Variants in SPTLC3 observed in about 807,000 individuals in gnomAD.
The protein encoded by SPTLC3 is serine palmitoyltransferase 3.
A neutral mutation model predicts 59.3 loss-of-function variants in SPTLC3; 36 were observed. The ratio of observed to expected loss-of-function variants is 0.61; its 90% CI spans 0.47 to 0.80. The LOEUF (loss-of-function observed/expected upper bound fraction) is 0.80. Ranked by LOEUF, SPTLC3 falls within the 30% of genes least tolerant of loss-of-function variation. The pLI is 0.00. For synonymous variants in SPTLC3, 257 were observed against 240.8 expected, an observed-to-expected ratio of 1.07 and a Z score of -0.62; for missense variants, 625 against 685.1, an observed-to-expected ratio of 0.91 and a Z score of 0.98.
chr20:13,126,560 C>A, intron 8 of SPTLC3, 31 bp from the exon 9 acceptor site: 1 of 1,610,752 alleles, frequency 6.2e-7, no homozygotes, highest in South Asian at 1.1e-5. Context: ...ATTTATTTGC[C>A]TTCTTTTTGG....
chr20:13,154,286 C>A lies in SPTLC3; in HGVS notation c.1415+148C>A, dbSNP rs1476039733. 27 of 940,762 alleles carry A rather than the reference C, an allele frequency of 2.9e-5. No homozygotes were observed. In the South Asian group the frequency reaches 3.9e-4, roughly 14 times the overall value. 58.3% of individuals were successfully genotyped at this position (940,762 alleles called of 1,614,324 possible). ...GGCTTCTCGGAAGCCACCTGTCACT[C>A]TATCAGCTAGACCCTTCCCACAGGT... is the stretch of plus-strand genomic sequence containing the variant. On this transcript the variant is annotated intron_variant, in intron 10 of 11. Transcript: ENST00000399002.
chr20:13,078,287 TAATC>T, intron 4 of SPTLC3, among the ~76,000 whole-genome samples: 1 of 150,196 alleles, frequency 6.7e-6, no homozygotes, highest in African/African-American at 2.4e-5. Context: ...CAGAATAACA[TAATC>T]AAGTAATTCT....
intron 9 of SPTLC3, among the ~76,000 whole-genome samples, chr20:13,136,956 A>C (rs1049141655): frequency 6.6e-6 from 1 of 152,064 alleles, no homozygotes; most frequent in Non-Finnish European, 1.5e-5. Context: ...TCTACTTTCC[A>C]TAGGAAGAAA....
At chr20:13,058,805 C>A (rs1396048365) in intron 2 of SPTLC3, among the ~76,000 whole-genome samples, 1 of 152,188 alleles carries the variant, frequency 6.6e-6, no homozygotes, top group South Asian at 2.1e-4. Context: ...TAGTCTAAGA[C>A]CACATGTTGA....
At chr20:13,070,426 TC>T (rs1988393337) in intron 2 of SPTLC3, among the ~76,000 whole-genome samples, 1 of 152,244 alleles carries the variant, frequency 6.6e-6, no homozygotes, top group African/African-American at 2.4e-5. Flanking sequence ...CTGCCTATTC[TC>T]CATATTATAT....
intron 1 of SPTLC3, among the ~76,000 whole-genome samples, chr20:13,020,918 A>G (rs1985847608): frequency 6.6e-6 from 1 of 152,168 alleles, no homozygotes; most frequent in Non-Finnish European, 1.5e-5. Context: ...TACAGTAGAT[A>G]GTCAATAAAT....
At chr20:13,152,515 G>A (rs1347718195) in intron 9 of SPTLC3, among the ~76,000 whole-genome samples, 2 of 152,212 alleles carry the variant, frequency 1.3e-5, no homozygotes, top group African/African-American at 2.4e-5. Flanking sequence ...GTCCTGCGCA[G>A]TGGCTTCTAT....
intron 4 of SPTLC3, among the ~76,000 whole-genome samples, chr20:13,082,845 G>A (rs2122600053): frequency 6.6e-6 from 1 of 152,222 alleles, no homozygotes; most frequent in South Asian, 2.1e-4. Flanking sequence ...AAACTTCATT[G>A]ACATCGGCAC....
chr20:13,149,881 T>C (rs568573576), intron 9 of SPTLC3, among the ~76,000 whole-genome samples: 17 of 152,290 alleles, frequency 1.1e-4, no homozygotes, highest in Admixed American at 5.9e-4. Flanking sequence ...AGCGCAAAGA[T>C]AATGCCGTTG....
chr20:13,079,651 T>C (rs890915231), intron 4 of SPTLC3: 1 of 378,844 alleles, frequency 2.6e-6, no homozygotes, highest in African/African-American at 2.2e-5. Context: ...GTCAGACTGT[T>C]GTTTCCTTGA....
At chr20:13,098,244 T>C (rs966815634) in intron 6 of SPTLC3, among the ~76,000 whole-genome samples, 14 of 152,154 alleles carry the variant, frequency 9.2e-5, no homozygotes, top group African/African-American at 3.4e-4. Flanking sequence ...AGAAGACACA[T>C]TGAATTATTT....
In SPTLC3 at chr20:13,033,798, T is replaced by C. The variant is rs6109660; in HGVS notation, c.118-15147T>C. Among the ~76,000 whole-genome samples the C allele has an allele frequency of 5.8e-3, 884 of 152,276 alleles. 11 individuals are homozygous for C. Among genetic ancestry groups the C allele is most frequent in the African/African-American group, 0.02 (846 of 41,560 alleles). On this transcript the variant is annotated intron_variant, in intron 1 of 11. Transcript: ENST00000399002. ...TAAAAAATCTTTAAAATATTATTGT[T>C]ATACAAGGTGGTGAGTGTAATGATG...
At chr20:13,043,088 T>A (rs927154883) in intron 1 of SPTLC3, among the ~76,000 whole-genome samples, 1 of 152,320 alleles carries the variant, frequency 6.6e-6, no homozygotes, top group Middle Eastern at 3.4e-3. Flanking sequence ...ACTGCTACAA[T>A]GTAGGCAGAG....
intron 2 of SPTLC3, chr20:13,050,312 T>A (rs1034187807): frequency 1.4e-4 from 21 of 152,090 alleles, no homozygotes; most frequent in African/African-American, 5.1e-4. Flanking sequence ...AGCAATAGAA[T>A]TGAACTAGTA....
rs553874252 is a variant in SPTLC3, at chr20:13,094,829, G to T, written c.826+1252G>T. Among the ~76,000 whole-genome samples, 11 of 152,302 alleles carry T rather than the reference G, an allele frequency of 7.2e-5. No homozygotes were observed. In the South Asian group the frequency reaches 2.3e-3, roughly 32 times the overall value. ...GATGAACAGTTAGAGTGCAGTTCAG[G>T]ACCAGACCTTCCAGAAGAGCCAAAC... On this transcript the variant is annotated intron_variant, in intron 6 of 11. Coordinates refer to ENST00000399002, the MANE Select transcript of SPTLC3 (RefSeq NM_018327.4).
chr20:13,165,034 G>T lies in SPTLC3; in HGVS notation c.*167G>T. The stretch of plus-strand genomic sequence containing the variant: ...TGTTGTTTTTAATGTCTCCAGCTTG[G>T]ACTGCAGAGACAAAAACATGATTCC... On this transcript the variant is annotated 3_prime_UTR_variant, in exon 12 of 12. Coordinates refer to ENST00000399002, the MANE Select transcript of SPTLC3 (RefSeq NM_018327.4). 1 of 563,646 alleles carries T rather than the reference G, an allele frequency of 1.8e-6. No homozygotes were observed. The highest frequency in any genetic ancestry group is 3.1e-6 in the Non-Finnish European group (1 of 318,854). The allele number at this position is 563,646 out of a possible 1,614,324, so 34.9% of individuals were successfully genotyped here.
chr20:13,083,829 T>A (rs1045220373), intron 4 of SPTLC3, among the ~76,000 whole-genome samples: 2 of 152,184 alleles, frequency 1.3e-5, no homozygotes, highest in African/African-American at 2.4e-5. Context: ...CTCCTGGTCC[T>A]TGGTCCCACA....
intron 9 of SPTLC3, among the ~76,000 whole-genome samples, chr20:13,139,994 T>C (rs2038342824): frequency 6.6e-6 from 1 of 152,198 alleles, no homozygotes; most frequent in African/African-American, 2.4e-5. Flanking sequence ...CAGGTGTTGC[T>C]ATCATTGCTG....
chr20:13,102,040 C>A (rs1989619509), intron 6 of SPTLC3, among the ~76,000 whole-genome samples: 1 of 152,050 alleles, frequency 6.6e-6, no homozygotes, highest in Non-Finnish European at 1.5e-5. Context: ...AAGGAAGAAC[C>A]AAAACTCTGC....
Sources: allele counts gnomAD v4.1 joint callset (sites outside exome capture counted in the v4.1 genomes callset), GRCh38; gene constraint gnomAD v4.1.1; transcripts MANE v1.5; gene names NCBI Gene and HGNC (gene_info 2026-07-23, HGNC 2026-07-21).